Variants in ERC2 observed in about 807,000 individuals in gnomAD.
ERC2 encodes ELKS/RAB6-interacting/CAST family member 2, also known as ERC protein 2.
A neutral mutation model predicts 114.8 loss-of-function variants in ERC2; 42 were observed. The ratio of observed to expected loss-of-function variants is 0.37; its 90% confidence interval spans 0.29 to 0.47. The LOEUF is 0.47. ERC2 is among the 20% of genes least tolerant of loss of function. ERC2 has a pLI of 0.99. For synonymous variants in ERC2, 454 were observed against 425.5 expected (o/e 1.07, Z -0.82); for missense variants, 939 against 1,150.7 (o/e 0.82, Z 2.66).
At chr3:56,453,812 G>T (rs997643024) in intron 1 of ERC2, among the ~76,000 whole-genome samples, 1 of 152,182 alleles carries the variant, frequency 6.6e-6, no homozygotes, top group Non-Finnish European at 1.5e-5. Flanking sequence ...AAGCCGAAAG[G>T]AGGATAAATC....
At chr3:56,009,492 G>A (rs2072750957) in intron 9 of ERC2, among the ~76,000 whole-genome samples, 1 of 152,126 alleles carries the variant, frequency 6.6e-6, no homozygotes, top group Admixed American at 6.6e-5. Context: ...TAGTTTGTGT[G>A]GAATTATCAG....
At chr3:55,872,009 A>G (rs2062607168) in intron 14 of ERC2, among the ~76,000 whole-genome samples, 1 of 152,180 alleles carries the variant, frequency 6.6e-6, no homozygotes. Flanking sequence ...GTTTTGCTTC[A>G]AAATAATCTA....
chr3:56,331,315 T>G (rs148579837), intron 2 of ERC2, among the ~76,000 whole-genome samples: 1 of 152,262 alleles, frequency 6.6e-6, no homozygotes, highest in African/African-American at 2.4e-5. Context: ...AACCCCCTAC[T>G]CTTGAAGTCT....
intron 17 of ERC2, among the ~76,000 whole-genome samples, chr3:55,682,926 G>A (rs1349977712): frequency 1.3e-5 from 2 of 152,182 alleles, no homozygotes; most frequent in Non-Finnish European, 2.9e-5. Context: ...GAGGAGAGGT[G>A]TAATTCCCAG....
intron 14 of ERC2, among the ~76,000 whole-genome samples, chr3:55,753,085 A>G (rs2066818956): frequency 6.6e-6 from 1 of 152,096 alleles, no homozygotes; most frequent in South Asian, 2.1e-4. Context: ...CACAATGCAC[A>G]CTGCTGGAAC....
At chr3:56,391,623 T>C (rs1415311827) in intron 2 of ERC2, among the ~76,000 whole-genome samples, 1 of 152,116 alleles carries the variant, frequency 6.6e-6, no homozygotes, top group Non-Finnish European at 1.5e-5. Context: ...CAAATGACAA[T>C]CCTGGGTTCA....
At chr3:56,099,128 C>T (rs546101361) in intron 6 of ERC2, among the ~76,000 whole-genome samples, 6 of 152,244 alleles carry the variant, frequency 3.9e-5, no homozygotes, top group South Asian at 2.1e-4. Context: ...TAGAAGGCCA[C>T]GTGAGGACAA....
At chr3:55,718,198 T>C (rs1030262371) in intron 15 of ERC2, among the ~76,000 whole-genome samples, 2 of 152,056 alleles carry the variant, frequency 1.3e-5, no homozygotes, top group Non-Finnish European at 2.9e-5. Flanking sequence ...GCAAAACAGA[T>C]CTATTAAAAC....
chr3:56,129,501 A>T (rs2080078153), intron 6 of ERC2, among the ~76,000 whole-genome samples: 1 of 152,222 alleles, frequency 6.6e-6, no homozygotes, highest in Admixed American at 6.5e-5. Context: ...CTCGGGGGTC[A>T]GTAAGAGTTT....
At chr3:56,011,459 C>T (rs2072928666) in intron 8 of ERC2, among the ~76,000 whole-genome samples, 1 of 152,278 alleles carries the variant, frequency 6.6e-6, no homozygotes, top group South Asian at 2.1e-4. Context: ...CTGTCAGCCA[C>T]ACCCATGAGA....
rs113893588 is a variant in ERC2, at chr3:55,581,523, G to C, written c.*40-70247C>G. 3.3e-3 allele frequency among the ~76,000 whole-genome samples: 504 copies of C among 152,188 alleles called. 4 individuals carry two copies. Among genetic ancestry groups the C allele is most frequent in the Non-Finnish European group, 5.4e-3 (370 of 67,996 alleles). Reference sequence around the variant, plus strand: ...TAAGAGTGGCAGGGTTTATGGAGAGGGAATTCACCATTTGTGGCCAGCACT... The same window carrying C: ...TAAGAGTGGCAGGGTTTATGGAGAGCGAATTCACCATTTGTGGCCAGCACT... On this transcript the variant is annotated intron_variant, in intron 17 of 17. Transcript: ENST00000288221.
intron 7 of ERC2, among the ~76,000 whole-genome samples, chr3:56,069,634 T>C (rs1018435453): frequency 6.6e-6 from 1 of 152,160 alleles, no homozygotes; most frequent in Non-Finnish European, 1.5e-5. Context: ...GTGGGAAAGC[T>C]CAGGGGTCCA....
At chr3:55,607,393 G>A (rs2058685203) in intron 17 of ERC2, among the ~76,000 whole-genome samples, 1 of 152,104 alleles carries the variant, frequency 6.6e-6, no homozygotes, top group Non-Finnish European at 1.5e-5. Flanking sequence ...GTCAGCACGT[G>A]CGAGATTCCT....
chr3:56,022,376 G>GAT (rs1312351883), intron 7 of ERC2, among the ~76,000 whole-genome samples: 1 of 152,092 alleles, frequency 6.6e-6, no homozygotes, highest in African/African-American at 2.4e-5. Context: ...AGAATAAAAA[G>GAT]ATATTTTAAA....
chr3:56,336,070 A>C (rs1439054190), intron 2 of ERC2, among the ~76,000 whole-genome samples: 1 of 152,170 alleles, frequency 6.6e-6, no homozygotes, highest in African/African-American at 2.4e-5. Context: ...AGACCAAAGA[A>C]ACACCATACG....
intron 14 of ERC2, among the ~76,000 whole-genome samples, chr3:55,756,186 C>G (rs2067047829): frequency 6.6e-6 from 1 of 152,166 alleles, no homozygotes; most frequent in South Asian, 2.1e-4. Flanking sequence ...AATTGAAACA[C>G]AGTCACGAAG....
At chr3:55,956,264 C>T (rs1471248707) in intron 12 of ERC2, among the ~76,000 whole-genome samples, 1 of 152,160 alleles carries the variant, frequency 6.6e-6, no homozygotes, top group Admixed American at 6.5e-5. Context: ...ACATTCCTAG[C>T]AGGTTATCCT....
intron 2 of ERC2, among the ~76,000 whole-genome samples, chr3:56,335,007 G>A (rs181659225): frequency 1.3e-5 from 2 of 152,116 alleles, no homozygotes; most frequent in Non-Finnish European, 2.9e-5. Context: ...GTTTCACTAC[G>A]CTGGTCAGGC....
chr3:55,631,618 C>T (rs377485220), intron 17 of ERC2, among the ~76,000 whole-genome samples: 1 of 152,152 alleles, frequency 6.6e-6, no homozygotes, highest in East Asian at 1.9e-4. Context: ...GGGCTCTCAG[C>T]AGTGAAAAGA....
Sources: gnomAD v4.1 joint callset for allele counts (sites outside exome capture counted in the v4.1 genomes callset) on GRCh38, gnomAD v4.1.1 for gene constraint, MANE v1.5 for transcripts, NCBI Gene and HGNC (gene_info 2026-07-23, HGNC 2026-07-21) for gene names.